Variants in ST6GAL2 observed in about 807,000 individuals in gnomAD.
The protein encoded by ST6GAL2 is beta-galactoside alpha-2,6-sialyltransferase 2.
A neutral mutation model predicts 37.5 loss-of-function variants in ST6GAL2; 24 were observed. That is an observed-to-expected ratio of 0.64 (90% CI 0.46 to 0.90). The LOEUF is 0.90. Among genes scored for constraint, ST6GAL2 ranks in the 40% least tolerant of loss-of-function variants. The pLI is 0.00. For synonymous variants in ST6GAL2, 306 were observed against 295.1 expected, an observed-to-expected ratio of 1.04 and a Z score of -0.38; for missense variants, 715 against 712.7, an observed-to-expected ratio of 1.00 and a Z score of -0.04.
intron 5 of ST6GAL2, among the ~76,000 whole-genome samples, chr2:106,809,016 C>T (rs777966877): frequency 1.3e-5 from 2 of 152,144 alleles, no homozygotes; most frequent in Non-Finnish European, 2.9e-5. Flanking sequence ...CAAAACAAAA[C>T]AAAACAACCC....
intron 4 of ST6GAL2, among the ~76,000 whole-genome samples, chr2:106,831,234 G>A (rs1342288084): frequency 5.3e-5 from 8 of 152,208 alleles, no homozygotes; most frequent in Admixed American, 3.9e-4. Context: ...GAGGAATGTG[G>A]GGCCAGAGGG....
At chr2:106,864,177 C>T (rs1319380742) in intron 1 of ST6GAL2, among the ~76,000 whole-genome samples, 2 of 152,242 alleles carry the variant, frequency 1.3e-5, no homozygotes, top group African/African-American at 4.8e-5. Context: ...TGCCTGATCA[C>T]AATCCTGTAA....
At chr2:106,808,518 G>A (rs973378238) in intron 5 of ST6GAL2, among the ~76,000 whole-genome samples, 7 of 152,152 alleles carry the variant, frequency 4.6e-5, no homozygotes, top group Non-Finnish European at 1.0e-4. Context: ...CCCTCTACCA[G>A]TTTCCTTCCT....
chr2:106,826,990 G>A (rs574405740), intron 5 of ST6GAL2, among the ~76,000 whole-genome samples: 5 of 152,242 alleles, frequency 3.3e-5, no homozygotes, highest in East Asian at 1.9e-4. Flanking sequence ...CCTGCTGACC[G>A]GTGTACCCAG....
intron 1 of ST6GAL2, among the ~76,000 whole-genome samples, chr2:106,868,556 C>T (rs1040546993): frequency 1.3e-5 from 2 of 152,202 alleles, no homozygotes; most frequent in Non-Finnish European, 2.9e-5. Flanking sequence ...AGTCCCAAAG[C>T]AAAGATCGCT....
intron 2 of ST6GAL2, among the ~76,000 whole-genome samples, chr2:106,837,222 AAT>A (rs1177099928): frequency 6.6e-6 from 1 of 152,180 alleles, no homozygotes; most frequent in Non-Finnish European, 1.5e-5. Context: ...CTCACAGTGC[AAT>A]TACCCAAGGG....
intron 5 of ST6GAL2, among the ~76,000 whole-genome samples, chr2:106,810,919 C>G (rs1475737682): frequency 6.6e-6 from 1 of 151,980 alleles, no homozygotes; most frequent in African/African-American, 2.4e-5. Context: ...CCACTGCACT[C>G]TCATGCTCAC....
chr2:106,875,402 T>C (rs1678462604), intron 1 of ST6GAL2, among the ~76,000 whole-genome samples: 1 of 152,160 alleles, frequency 6.6e-6, no homozygotes, highest in African/African-American at 2.4e-5. Context: ...GGTCTTGAAC[T>C]CCTGAGCTCA....
At chr2:106,819,804 T>TA (rs1024767663) in intron 5 of ST6GAL2, among the ~76,000 whole-genome samples, 4 of 151,726 alleles carry the variant, frequency 2.6e-5, no homozygotes, top group African/African-American at 9.7e-5. Context: ...ATACAGACAT[T>TA]AAAAAAAGAT....
intron 1 of ST6GAL2, among the ~76,000 whole-genome samples, chr2:106,885,059 T>C (rs1193793613): frequency 6.6e-6 from 1 of 151,362 alleles, no homozygotes; most frequent in Non-Finnish European, 1.5e-5. Flanking sequence ...GCAAAAAATG[T>C]TGATCAGAAT....
intron 2 of ST6GAL2, among the ~76,000 whole-genome samples, chr2:106,842,601 T>C (rs936107990): frequency 3.9e-5 from 6 of 152,196 alleles, no homozygotes; most frequent in Non-Finnish European, 7.3e-5. Flanking sequence ...TCTTGTTCCC[T>C]TCCCATATTC....
intron 1 of ST6GAL2, among the ~76,000 whole-genome samples, chr2:106,859,879 A>G (rs1677728498): frequency 1.3e-5 from 2 of 148,978 alleles, no homozygotes; most frequent in Admixed American, 1.4e-4. Context: ...TATACTTCAA[A>G]TTAAAAAAAA....
intron 4 of ST6GAL2, among the ~76,000 whole-genome samples, chr2:106,832,174 T>C (rs1376097855): frequency 2.0e-5 from 3 of 152,172 alleles, no homozygotes; most frequent in Non-Finnish European, 4.4e-5. Context: ...AAAGTTGAGA[T>C]TTTCGTGCCA....
In ST6GAL2 at chr2:106,804,999, G is replaced by A. The variant is rs941676275; in HGVS notation, c.*1679C>T. The A allele has an allele frequency of 6.6e-6, 1 of 151,954 alleles. No homozygotes were observed. Among genetic ancestry groups the A allele is most frequent in the Non-Finnish European group, 1.5e-5 (1 of 68,000 alleles). The allele number at this position is 151,954 out of a possible 1,614,324, so 9.4% of individuals were successfully genotyped here. A position where few individuals can be genotyped will look rare whatever the true frequency, so the allele number is the denominator to read the frequency against. On this transcript the variant is annotated 3_prime_UTR_variant, in exon 6 of 6. Transcript: ENST00000409382. The stretch of plus-strand genomic sequence containing the variant: ...AAATGGGCTTTTATTGGATATTATT[G>A]TGATTAAAACTTTCCAATTTCTCCT...
chr2:106,806,568 T>A lies in ST6GAL2; in HGVS notation c.*110A>T, dbSNP rs1047402384. 88 of 1,213,564 alleles carry A rather than the reference T, an allele frequency of 7.3e-5. No homozygotes were observed. Among genetic ancestry groups the A allele is most frequent in the Non-Finnish European group, 9.8e-5 (84 of 860,304 alleles). 75.2% of individuals were successfully genotyped at this position (1,213,564 alleles called of 1,614,324 possible). ...ATTATCATGACCACCACTAAATTAC[T>A]GTTTAAAGACTCAAAACTACACTGT... On this transcript the variant is annotated 3_prime_UTR_variant, in exon 6 of 6. Coordinates refer to ENST00000409382, the MANE Select transcript of ST6GAL2 (RefSeq NM_001142351.2).
chr2:106,833,965 C>T, intron 3 of ST6GAL2, 84 bp downstream of exon 3: 1 of 971,860 alleles, frequency 1.0e-6, no homozygotes, highest in South Asian at 1.4e-5. Context: ...CTTCTCTTCA[C>T]TCATCCGGTT....
intron 5 of ST6GAL2, among the ~76,000 whole-genome samples, chr2:106,808,900 G>C (rs1192674507): frequency 6.6e-6 from 1 of 152,164 alleles, no homozygotes; most frequent in Non-Finnish European, 1.5e-5. Context: ...TTAGCTACTT[G>C]AGAGACTGAG....
chr2:106,843,009 G>A, intron 2 of ST6GAL2, 26 bp downstream of exon 2: 3 of 1,359,130 alleles, frequency 2.2e-6, no homozygotes, highest in Non-Finnish European at 2.9e-6. Flanking sequence ...AAGACAGGGC[G>A]ACCTGGTCCC....
At position 106,832,574 on chromosome 2, in the gene ST6GAL2, A is replaced by G. The variant is rs200116038; in HGVS notation, c.1134T>C (p.Asn378=). The G allele has an allele frequency of 4.1e-5, 64 of 1,577,852 alleles. 1 individual carries two copies. Among genetic ancestry groups the G allele is most frequent in the Non-Finnish European group, 4.7e-5 (54 of 1,160,854 alleles). The part of the protein sequence containing the change: ...VAWDPAPYSA[N]LNLWYKKPDY... The stretch of plus-strand genomic sequence containing the variant: ...CCAGGGAAACACTTACCAGGTTAAG[A>G]TTTGCGGAATATGGGGCAGGGTCCC... Residue 378 remains asparagine (N), a synonymous_variant, in exon 4 of 6, where the codon AAT becomes AAC. Transcript: ENST00000409382.
Sources: allele counts gnomAD v4.1 joint callset (sites outside exome capture counted in the v4.1 genomes callset), GRCh38; gene constraint gnomAD v4.1.1; transcripts MANE v1.5; gene names NCBI Gene and HGNC (gene_info 2026-07-23, HGNC 2026-07-21).